Variants in NAV2 observed in about 807,000 individuals in gnomAD.
NAV2 encodes helicase, APC down-regulated 1.
Under a neutral mutation model 223.2 loss-of-function variants are expected in NAV2, and 54 were observed. That is an observed-to-expected ratio of 0.24 (90% confidence interval 0.19 to 0.30). The LOEUF is 0.30. Ranked by LOEUF, NAV2 falls within the 10% of genes least tolerant of loss-of-function variation. NAV2 has a pLI of 1.00. For missense variants in NAV2, 2,806 were observed against 3,147.5 expected, an observed-to-expected ratio of 0.89 and a Z score of 2.60; for synonymous variants, 1,279 against 1,239.3, an observed-to-expected ratio of 1.03 and a Z score of -0.67.
At chr11:19,557,759 T>C (rs1402618241) in intron 1 of NAV2, among the ~76,000 whole-genome samples, 7 of 152,070 alleles carry the variant, frequency 4.6e-5, no homozygotes, top group African/African-American at 1.4e-4. Context: ...GTGAGAAGCA[T>C]AGGGTGGGAT....
intron 1 of NAV2, among the ~76,000 whole-genome samples, chr11:19,436,733 AC>A (rs1411834331): frequency 2.0e-5 from 3 of 152,072 alleles, no homozygotes; most frequent in Non-Finnish European, 4.4e-5. Context: ...AGACATGGAA[AC>A]ACCTTTCCGT....
At chr11:19,424,345 G>C (rs1413166791) in intron 1 of NAV2, among the ~76,000 whole-genome samples, 3 of 152,176 alleles carry the variant, frequency 2.0e-5, no homozygotes, top group African/African-American at 7.2e-5. Flanking sequence ...GGCTGTAAGA[G>C]AGGAATTAAA....
chr11:19,797,944 C>T (rs1478549890), intron 1 of NAV2, among the ~76,000 whole-genome samples: 1 of 152,122 alleles, frequency 6.6e-6, no homozygotes, highest in East Asian at 1.9e-4. Flanking sequence ...TTGTTGGGAT[C>T]TGTAGGAGAT....
chr11:19,799,818 C>T (rs1258533168), intron 1 of NAV2, among the ~76,000 whole-genome samples: 1 of 152,120 alleles, frequency 6.6e-6, no homozygotes, highest in East Asian at 1.9e-4. Flanking sequence ...CCTTTCTTTG[C>T]CTCCCCCTTG....
At chr11:19,436,897 TAGA>T (rs1754861777) in intron 1 of NAV2, among the ~76,000 whole-genome samples, 1 of 152,204 alleles carries the variant, frequency 6.6e-6, no homozygotes, top group African/African-American at 2.4e-5. Context: ...TGTTAGTGTA[TAGA>T]AATGCTACTG....
chr11:19,604,809 G>A (rs1013161730), intron 1 of NAV2, among the ~76,000 whole-genome samples: 3 of 152,052 alleles, frequency 2.0e-5, no homozygotes, highest in South Asian at 2.1e-4. Context: ...TTATGGGGGC[G>A]GGTCTTTCCT....
intron 10 of NAV2, among the ~76,000 whole-genome samples, chr11:19,982,424 C>A (rs530865647): frequency 6.6e-6 from 1 of 152,074 alleles, no homozygotes; most frequent in Non-Finnish European, 1.5e-5. Context: ...GTGCATGCCA[C>A]GTGCCCGGCT....
At chr11:20,102,352 G>T (rs116787149) in intron 32 of NAV2, among the ~76,000 whole-genome samples, 140 of 152,294 alleles carry the variant, frequency 9.2e-4, no homozygotes, top group African/African-American at 3.1e-3. Context: ...GAGCAAGCAG[G>T]CTAGCATCTA....
At chr11:19,819,668 A>G (rs1194120037) in intron 1 of NAV2, among the ~76,000 whole-genome samples, 1 of 152,230 alleles carries the variant, frequency 6.6e-6, no homozygotes, top group Non-Finnish European at 1.5e-5. Flanking sequence ...TGACGGAAAT[A>G]ATGAAAGGAA....
chr11:19,814,059 C>G (rs930860861), intron 1 of NAV2, among the ~76,000 whole-genome samples: 1 of 152,088 alleles, frequency 6.6e-6, no homozygotes, highest in Non-Finnish European at 1.5e-5. Flanking sequence ...ATATGTCCGC[C>G]CAGGGTGAGG....
chr11:19,933,833 C>T lies in NAV2; in HGVS notation c.1589C>T (p.Pro530Leu). 6.2e-7 allele frequency: 1 copy of T among 1,609,654 alleles called. No individual in the cohort carries two copies. The highest frequency in any genetic ancestry group is 8.5e-7 in the Non-Finnish European group (1 of 1,178,852). The stretch of plus-strand genomic sequence containing the variant: ...GAAGACCCCAGTGGAGCAGCTGTGC[C>T]CGAGATGCCAAAAAAGTCCTCCAAG... ...PKEDPSGAAV[P>L]EMPKKSSKIA... The change falls in exon 7 of 38, where the codon CCC becomes CTC. Residue 530 changes from proline to leucine, a missense_variant. By Grantham distance (98) the Pro-to-Leu change is moderately conservative (BLOSUM62 -3). This residue lies in a region of NAV2 where 1,167 missense variants were observed against 1,180.5 expected (regional missense o/e 0.99). Coordinates refer to ENST00000349880, the MANE Select transcript of NAV2 (RefSeq NM_145117.5). The surrounding 1 kb of genome is among the most constrained non-coding windows in gnomAD (Gnocchi z 4.3).
chr11:19,905,524 ACTGGGCC>A (rs1231411630), intron 6 of NAV2, among the ~76,000 whole-genome samples: 1 of 152,176 alleles, frequency 6.6e-6, no homozygotes, highest in Non-Finnish European at 1.5e-5. Context: ...TAGGGAAGAA[ACTGGGCC>A]CTATTTTTAA....
At chr11:19,741,973 G>T (rs1345165561) in intron 1 of NAV2, among the ~76,000 whole-genome samples, 1 of 151,176 alleles carries the variant, frequency 6.6e-6, no homozygotes, top group East Asian at 1.9e-4. Flanking sequence ...AGTGTTCAGG[G>T]GTTACCTTTT....
At chr11:19,857,356 G>T (rs1002457987) in intron 3 of NAV2, among the ~76,000 whole-genome samples, 1 of 152,204 alleles carries the variant, frequency 6.6e-6, no homozygotes, top group Non-Finnish European at 1.5e-5. Flanking sequence ...TAGGTGCCTT[G>T]ATAAGAATAA....
intron 1 of NAV2, among the ~76,000 whole-genome samples, chr11:19,383,223 A>G (rs1191217956): frequency 6.6e-6 from 1 of 152,128 alleles, no homozygotes; most frequent in African/African-American, 2.4e-5. Flanking sequence ...GGCCATGTCA[A>G]TGAATTCTAG....
intron 29 of NAV2, among the ~76,000 whole-genome samples, chr11:20,094,912 G>A (rs1333077061): frequency 1.3e-5 from 2 of 152,140 alleles, no homozygotes; most frequent in Non-Finnish European, 2.9e-5. Context: ...CAATATTATG[G>A]CATGTTCTAT....
At chr11:19,408,647 C>T (rs896528838) in intron 1 of NAV2, among the ~76,000 whole-genome samples, 5 of 152,174 alleles carry the variant, frequency 3.3e-5, no homozygotes, top group Middle Eastern at 3.2e-3. Flanking sequence ...TCACTTGAAC[C>T]TCGCAACAAC....
intron 1 of NAV2, among the ~76,000 whole-genome samples, chr11:19,676,470 T>C (rs1004690941): frequency 9.5e-6 from 1 of 104,786 alleles, no homozygotes; most frequent in South Asian, 3.7e-4. Flanking sequence ...TTTCCCTCCT[T>C]ACCTCTCCCT....
At position 19,371,378 on chromosome 11, in the gene NAV2, A is replaced by G. The variant is rs77145957; in HGVS notation, c.75+20351A>G. Among the ~76,000 whole-genome samples, 941 of 152,292 alleles carry G rather than the reference A, an allele frequency of 6.2e-3. 10 individuals carry two copies. Among genetic ancestry groups the G allele is most frequent in the Non-Finnish European group, 9.8e-3 (669 of 68,018 alleles). On this transcript the variant is annotated intron_variant, in intron 1 of 37. Coordinates refer to the NAV2 transcript ENST00000360655. Reference sequence around the variant, plus strand: ...GTTCTTCCTGTTTCCATCTGATTCTAGTTTAACCCTCCCTCATTTTACAGG... The same window carrying G: ...GTTCTTCCTGTTTCCATCTGATTCTGGTTTAACCCTCCCTCATTTTACAGG...
Sources: gnomAD v4.1 joint callset for allele counts (sites outside exome capture counted in the v4.1 genomes callset) on GRCh38, gnomAD v4.1.1 for gene constraint, gnomAD v4.1.1 regional missense constraint, Gnocchi (gnomAD v3.1) non-coding constraint, MANE v1.5 for transcripts, NCBI Gene and HGNC (gene_info 2026-07-23, HGNC 2026-07-21) for gene names.